Variants in CACNG3 observed in about 807,000 individuals in gnomAD.
The protein encoded by CACNG3 is voltage-dependent calcium channel gamma-3 subunit.
Under a neutral mutation model 28.5 loss-of-function variants are expected in CACNG3, and 3 were observed. That is an observed-to-expected ratio of 0.11 (90% CI 0.05 to 0.27). CACNG3 has a LOEUF of 0.27. Ranked by LOEUF, CACNG3 falls within the 10% of genes least tolerant of loss-of-function variation. The pLI is 1.00. For missense variants in CACNG3, 236 were observed against 414.4 expected, an observed-to-expected ratio of 0.57 and a Z score of 3.74; for synonymous variants, 174 against 162.2, an observed-to-expected ratio of 1.07 and a Z score of -0.55.
chr16:24,356,393 A>G (rs577233536), intron 3 of CACNG3, among the ~76,000 whole-genome samples: 18 of 152,168 alleles, frequency 1.2e-4, no homozygotes, highest in Non-Finnish European at 2.2e-4. Flanking sequence ...TCACTATAAC[A>G]TGGCAAATGA....
intron 1 of CACNG3, among the ~76,000 whole-genome samples, chr16:24,264,986 C>A (rs931838653): frequency 6.6e-6 from 1 of 152,184 alleles, no homozygotes; most frequent in African/African-American, 2.4e-5. Flanking sequence ...CATCTGTAAT[C>A]CCAGCACTTT....
intron 1 of CACNG3, among the ~76,000 whole-genome samples, chr16:24,311,068 C>T (rs1177990606): frequency 6.6e-6 from 1 of 152,186 alleles, no homozygotes; most frequent in East Asian, 1.9e-4. Context: ...CCCCATTAAC[C>T]ACAGTGTGAA....
At chr16:24,323,828 A>C (rs117892035) in intron 1 of CACNG3, among the ~76,000 whole-genome samples, 3,317 of 152,226 alleles carry the variant, frequency 0.022, 62 homozygotes, top group South Asian at 0.052. Flanking sequence ...AGGGCAGTGG[A>C]GTGATCTCAG....
Position 24,256,831 on chromosome 16 carries a change from T to G in CACNG3, c.77T>G (p.Ile26Ser). The G allele has an allele frequency of 6.2e-7, 1 of 1,613,782 alleles. No individual in the cohort carries two copies. The highest frequency in any genetic ancestry group is 8.5e-7 in the Non-Finnish European group (1 of 1,179,668). Reference sequence around the variant, plus strand: ...TTTGCCGCTTTTAGTTTAATGACCATTGCAGTGGGCACGGACTACTGGTTA... The same window carrying G: ...TTTGCCGCTTTTAGTTTAATGACCAGTGCAGTGGGCACGGACTACTGGTTA... ...GAFAAFSLMT[I>S]AVGTDYWLYS... Residue 26 changes from isoleucine (I) to serine (S), a missense_variant, in exon 1 of 4, where the codon ATT (isoleucine) becomes AGT (serine). By Grantham distance (142) the Ile-to-Ser change is moderately radical (BLOSUM62 -2). Transcript: ENST00000005284. The surrounding 1 kb of genome is among the most constrained non-coding windows in gnomAD (Gnocchi z 4.6).
chr16:24,358,036 C>T (rs1440319261), intron 3 of CACNG3, among the ~76,000 whole-genome samples: 1 of 152,140 alleles, frequency 6.6e-6, no homozygotes, highest in Non-Finnish European at 1.5e-5. Context: ...CCAAAGAACC[C>T]GAAGATCTTG....
chr16:24,267,438 C>A (rs947296309), intron 1 of CACNG3, among the ~76,000 whole-genome samples: 2 of 152,026 alleles, frequency 1.3e-5, no homozygotes, highest in East Asian at 3.9e-4. Flanking sequence ...CAGGCACATG[C>A]CACCATGCCC....
intron 1 of CACNG3, among the ~76,000 whole-genome samples, chr16:24,323,042 A>C (rs1217137131): frequency 6.6e-6 from 1 of 152,060 alleles, no homozygotes; most frequent in Non-Finnish European, 1.5e-5. Context: ...CCTGGGTAAC[A>C]TGGCAAGAGC....
intron 1 of CACNG3, among the ~76,000 whole-genome samples, chr16:24,342,267 CA>C (rs1406036848): frequency 6.6e-6 from 1 of 151,822 alleles, no homozygotes; most frequent in Non-Finnish European, 1.5e-5. Flanking sequence ...GACTCCATCT[CA>C]AAATAAAATA....
chr16:24,270,664 T>G (rs1567207471), intron 1 of CACNG3, among the ~76,000 whole-genome samples: 1 of 152,204 alleles, frequency 6.6e-6, no homozygotes, highest in Non-Finnish European at 1.5e-5. Context: ...AGGATGATTT[T>G]CCAGTTAGAA....
At chr16:24,336,230 A>AAAAG (rs1318518418) in intron 1 of CACNG3, among the ~76,000 whole-genome samples, 2 of 151,912 alleles carry the variant, frequency 1.3e-5, no homozygotes, top group South Asian at 2.1e-4. Flanking sequence ...GTCTCCAAAA[A>AAAAG]AAAGAAAGAA....
chr16:24,353,806 T>G (rs146527402), intron 2 of CACNG3, among the ~76,000 whole-genome samples: 75 of 152,250 alleles, frequency 4.9e-4, no homozygotes, highest in Non-Finnish European at 9.1e-4. Context: ...CAGGGAAAGA[T>G]TCTGCATTTT....
rs1567217473 is a variant in CACNG3, at chr16:24,317,615, AAAG to A, written c.212-29116_212-29114del. On this transcript the variant is annotated intron_variant, in intron 1 of 3. Coordinates refer to ENST00000005284, the MANE Select transcript of CACNG3 (RefSeq NM_006539.4). ...GAAAGAAAGAAAGAAAGAAAGAAAG[AAAG>A]AAAGAAAGACAGACAGAAAGAAAGA... Among the ~76,000 whole-genome samples the A allele has an allele frequency of 1.4e-3, 100 of 70,018 alleles. 3 individuals carry two copies. Among genetic ancestry groups the A allele is most frequent in the African/African-American group, 3.8e-3 (59 of 15,652 alleles). The allele number at this position is 70,018 out of a possible 152,430, so 45.9% of individuals were successfully genotyped here.
In CACNG3 at chr16:24,361,340, C is replaced by G; in HGVS notation, c.437-12C>G. 6.4e-7 allele frequency: 1 copy of G among 1,556,468 alleles called. No homozygotes were observed. Among genetic ancestry groups the G allele is most frequent in the Non-Finnish European group, 8.7e-7 (1 of 1,154,098 alleles). On this transcript the variant is annotated splice_polypyrimidine_tract_variant and intron_variant, in intron 3 of 3. Coordinates refer to ENST00000005284, the MANE Select transcript of CACNG3 (RefSeq NM_006539.4). The surrounding 1 kb of genome is among the most constrained non-coding windows in gnomAD (Gnocchi z 6.8). ...GTATAAAGGACGTGTTTTTCTTTTC[C>G]CCTTCTCTTAGGGTTAAGCAACATC...
intron 1 of CACNG3, among the ~76,000 whole-genome samples, chr16:24,276,083 G>T (rs1378432079): frequency 2.6e-5 from 4 of 152,168 alleles, no homozygotes; most frequent in Non-Finnish European, 5.9e-5. Flanking sequence ...TGTGAGGCTA[G>T]GTTTTCTTCA....
chr16:24,259,458 T>C (rs1376177426), intron 1 of CACNG3, among the ~76,000 whole-genome samples: 2 of 152,206 alleles, frequency 1.3e-5, no homozygotes, highest in Non-Finnish European at 2.9e-5. Flanking sequence ...ATTTCTTACC[T>C]ACACCTGAGC....
At chr16:24,261,911 G>C (rs372356448) in intron 1 of CACNG3, among the ~76,000 whole-genome samples, 2 of 152,142 alleles carry the variant, frequency 1.3e-5, no homozygotes, top group African/African-American at 4.8e-5. Context: ...AAAACCTTCA[G>C]GGAAGCTGCA....
At position 24,353,466 on chromosome 16, in the gene CACNG3, A is replaced by C. The variant is rs573686930; in HGVS notation, c.296-1367A>C. Among the ~76,000 whole-genome samples, 13 of 152,306 alleles carry C rather than the reference A, an allele frequency of 8.5e-5. 1 individual carries two copies. In the South Asian group the frequency reaches 2.7e-3, roughly 32 times the overall value. On this transcript the variant is annotated intron_variant, in intron 2 of 3. Coordinates refer to ENST00000005284, the MANE Select transcript of CACNG3 (RefSeq NM_006539.4). ...AAAATACTCTTATACTGGATGGGTA[A>C]ATACTGGGACCCCAACCACATGGGG...
At chr16:24,354,709 G>A (rs919238544) in intron 2 of CACNG3, 124 bp from the exon 3 acceptor site, 68 of 935,566 alleles carry the variant, frequency 7.3e-5, no homozygotes, top group Admixed American at 6.3e-4. Context: ...TCTCATGCCC[G>A]TGTTAGACAT....
At chr16:24,319,440 A>G (rs937690706) in intron 1 of CACNG3, among the ~76,000 whole-genome samples, 3 of 152,108 alleles carry the variant, frequency 2.0e-5, no homozygotes, top group Non-Finnish European at 4.4e-5. Flanking sequence ...TAAGGTTGCA[A>G]TGGTCTTTGT....
Sources: gnomAD v4.1 joint callset for allele counts (sites outside exome capture counted in the v4.1 genomes callset) on GRCh38, gnomAD v4.1.1 for gene constraint, Gnocchi (gnomAD v3.1) non-coding constraint, MANE v1.5 for transcripts, NCBI Gene and HGNC (gene_info 2026-07-23, HGNC 2026-07-21) for gene names.